The following DPP10 variants were observed in gnomAD, a reference collection of about 807,000 sequenced individuals.
DPP10 encodes inactive dipeptidyl peptidase 10.
Under a neutral mutation model 120.9 loss-of-function variants are expected in DPP10, and 33 were observed. That is an observed-to-expected ratio of 0.27 (90% CI 0.21 to 0.37). The LOEUF (loss-of-function observed/expected upper bound fraction) is 0.37, where lower values mean the gene tolerates loss of function less well. DPP10 is among the 10% of genes least tolerant of loss of function. The pLI is 1.00. For synonymous variants in DPP10, 337 were observed against 326.1 expected, an observed-to-expected ratio of 1.03 and a Z score of -0.36; for missense variants, 816 against 942.8, an observed-to-expected ratio of 0.87 and a Z score of 1.76.
intron 1 of DPP10, among the ~76,000 whole-genome samples, chr2:115,067,458 T>C (rs1192158512): frequency 6.7e-6 from 1 of 150,360 alleles, no homozygotes; most frequent in East Asian, 2.1e-4. Context: ...TTCACCGTGT[T>C]AGCCAGGATG....
chr2:114,817,208 C>A (rs944732426), intron 1 of DPP10, among the ~76,000 whole-genome samples: 1 of 152,036 alleles, frequency 6.6e-6, no homozygotes, highest in African/African-American at 2.4e-5. Context: ...AATGAGGCAG[C>A]CTCTGCCTTC....
chr2:114,998,948 A>G (rs1701266126), intron 1 of DPP10, among the ~76,000 whole-genome samples: 1 of 152,122 alleles, frequency 6.6e-6, no homozygotes, highest in Non-Finnish European at 1.5e-5. Context: ...ATATGATTTG[A>G]CTGAACACAC....
chr2:115,463,598 A>G (rs2074122088), intron 3 of DPP10, among the ~76,000 whole-genome samples: 1 of 152,118 alleles, frequency 6.6e-6, no homozygotes, highest in African/African-American at 2.4e-5. Context: ...AGTGTAATTT[A>G]TTTTTTCTTT....
intron 11 of DPP10, 105 bp downstream of exon 11, chr2:115,753,402 C>A (rs1444741361): frequency 2.9e-6 from 3 of 1,042,272 alleles, no homozygotes; most frequent in Non-Finnish European, 3.9e-6. Context: ...CAGTGTTTAA[C>A]TTTTAAAACT....
intron 3 of DPP10, among the ~76,000 whole-genome samples, chr2:115,397,470 G>T (rs1574705308): frequency 6.6e-6 from 1 of 152,048 alleles, no homozygotes; most frequent in East Asian, 1.9e-4. Flanking sequence ...TTATTATAAG[G>T]GACTAGAGTT....
chr2:114,536,954 C>T (rs997532986), intron 1 of DPP10, among the ~76,000 whole-genome samples: 1 of 152,138 alleles, frequency 6.6e-6, no homozygotes, highest in Non-Finnish European at 1.5e-5. Context: ...CAAATACACT[C>T]CCAAATGGAT....
chr2:115,638,012 C>CTGTA (rs201070993), intron 5 of DPP10, among the ~76,000 whole-genome samples: 2 of 152,336 alleles, frequency 1.3e-5, no homozygotes, highest in East Asian at 3.9e-4. Context: ...TCACTCTAGA[C>CTGTA]TGTAGCCTCT....
intron 9 of DPP10, 56 bp downstream of exon 9, chr2:115,739,949 G>C (rs1349935281): frequency 6.3e-7 from 1 of 1,577,546 alleles, no homozygotes; most frequent in East Asian, 2.2e-5. Flanking sequence ...CTAGTGACTT[G>C]ACAGATGGTA....
At chr2:114,926,877 G>A (rs1367858107) in intron 1 of DPP10, among the ~76,000 whole-genome samples, 1 of 142,804 alleles carries the variant, frequency 7.0e-6, no homozygotes, top group Non-Finnish European at 1.5e-5. Flanking sequence ...TTGAGACAGA[G>A]TCTCGCTATG....
chr2:114,710,743 T>TA (rs944392378), intron 1 of DPP10, among the ~76,000 whole-genome samples: 3 of 151,952 alleles, frequency 2.0e-5, no homozygotes, highest in Non-Finnish European at 4.4e-5. Flanking sequence ...AGACTCCGTC[T>TA]AAAAAAATAA....
At chr2:114,573,337 ATCTTCATTTGGTCAAGTCCAAATGAAGT>A (rs1482936738) in intron 1 of DPP10, among the ~76,000 whole-genome samples, 1 of 152,188 alleles carries the variant, frequency 6.6e-6, no homozygotes, top group Non-Finnish European at 1.5e-5. Flanking sequence ...TAAATGAAAG[ATCTTCATTTGGTCAAGTCCAAATGAAGT>A]CATAACTTAC....
intron 1 of DPP10, among the ~76,000 whole-genome samples, chr2:115,176,310 T>G (rs2053687705): frequency 6.8e-6 from 1 of 147,864 alleles, no homozygotes; most frequent in South Asian, 2.1e-4. Context: ...AAATATATAT[T>G]TGTTATATAT....
chr2:115,249,856 A>C (rs1008157886), intron 1 of DPP10, among the ~76,000 whole-genome samples: 5 of 152,178 alleles, frequency 3.3e-5, no homozygotes, highest in Non-Finnish European at 5.9e-5. Flanking sequence ...TAACTTAATG[A>C]AATGATCAAA....
At chr2:115,591,075 G>A (rs1026696890) in intron 5 of DPP10, among the ~76,000 whole-genome samples, 11 of 152,176 alleles carry the variant, frequency 7.2e-5, no homozygotes, top group Non-Finnish European at 4.4e-5. Flanking sequence ...CAGATGGGTG[G>A]ATTGTAAAAA....
intron 1 of DPP10, among the ~76,000 whole-genome samples, chr2:114,671,299 C>T (rs1698324033): frequency 6.6e-6 from 1 of 152,120 alleles, no homozygotes; most frequent in South Asian, 2.1e-4. Context: ...ATGCATTCCT[C>T]ACAATGTAAC....
intron 1 of DPP10, among the ~76,000 whole-genome samples, chr2:114,893,959 ATCCTCATTTTTCT>A (rs1197058729): frequency 1.3e-5 from 2 of 152,044 alleles, no homozygotes; most frequent in Non-Finnish European, 2.9e-5. Flanking sequence ...AATCTTTGCT[ATCCTCATTTTTCT>A]TCCTCATGGA....
chr2:114,919,783 T>C (rs1234900133), intron 1 of DPP10, among the ~76,000 whole-genome samples: 5 of 152,202 alleles, frequency 3.3e-5, no homozygotes, highest in Admixed American at 1.3e-4. Context: ...ATTTGATTTA[T>C]TGTGTAGTTG....
chr2:114,709,537 A>T (rs954558432), intron 1 of DPP10, among the ~76,000 whole-genome samples: 8 of 152,168 alleles, frequency 5.3e-5, no homozygotes, highest in African/African-American at 1.7e-4. Context: ...TTCAAATTTT[A>T]TATTTTATTA....
intron 13 of DPP10, among the ~76,000 whole-genome samples, chr2:115,771,044 A>G (rs940016202): frequency 6.8e-6 from 1 of 146,498 alleles, no homozygotes; most frequent in Admixed American, 7.2e-5. Flanking sequence ...CAGCAAGCAG[A>G]TATACTGTAC....
Sources: gnomAD v4.1 joint callset for allele counts (sites outside exome capture counted in the v4.1 genomes callset) on GRCh38, gnomAD v4.1.1 for gene constraint, MANE v1.5 for transcripts, NCBI Gene and HGNC (gene_info 2026-07-23, HGNC 2026-07-21) for gene names.